The following SPOCK1 variants were observed in gnomAD, a reference collection of about 807,000 sequenced individuals.
SPOCK1 encodes the protein SPARC (osteonectin), cwcv and kazal like domains proteoglycan 1.
SPOCK1 carries 23 observed loss-of-function variants against 55.3 expected under a neutral mutation model. The observed-to-expected ratio is 0.42, with a 90% CI of 0.30 to 0.59. The LOEUF (loss-of-function observed/expected upper bound fraction) is 0.59, where lower values mean the gene tolerates loss of function less well. Ranked by LOEUF, SPOCK1 falls within the 20% of genes least tolerant of loss-of-function variation. The pLI is 0.22. For synonymous variants in SPOCK1, 226 were observed against 221.0 expected, an observed-to-expected ratio of 1.02 and a Z score of -0.20; for missense variants, 499 against 552.5, an observed-to-expected ratio of 0.90 and a Z score of 0.97.
At chr5:137,334,489 G>C (rs553738375) in intron 2 of SPOCK1, among the ~76,000 whole-genome samples, 13 of 152,190 alleles carry the variant, frequency 8.5e-5, no homozygotes, top group Non-Finnish European at 1.5e-4. Flanking sequence ...AATTCCAGGA[G>C]TGTGGGAGGG....
intron 2 of SPOCK1, among the ~76,000 whole-genome samples, chr5:137,298,540 A>T (rs1757530499): frequency 1.3e-5 from 2 of 152,192 alleles, no homozygotes; most frequent in African/African-American, 4.8e-5. Context: ...GATCTTCTGT[A>T]TTCTTACTAA....
At chr5:137,356,858 G>GAA (rs1580883367) in intron 2 of SPOCK1, among the ~76,000 whole-genome samples, 1 of 114,120 alleles carries the variant, frequency 8.8e-6, no homozygotes, top group Admixed American at 8.7e-5. Context: ...GAGAGAGAGA[G>GAA]AGAGAGAGAG....
At chr5:137,093,352 A>G (rs1328726178) in intron 5 of SPOCK1, among the ~76,000 whole-genome samples, 3 of 152,170 alleles carry the variant, frequency 2.0e-5, no homozygotes, top group East Asian at 1.9e-4. Context: ...AATAAATCCA[A>G]TGGTCCATCC....
Position 137,332,923 on chromosome 5 carries a change from G to A in SPOCK1, c.187-65868C>T, listed in dbSNP as rs74922533. ...AATGAGGGAGAGTCCAAGAGGGAGA[G>A]ATGAGGTTACCCAGGGAAAATGGAC... On this transcript the variant is annotated intron_variant, in intron 2 of 10. Coordinates refer to ENST00000394945, the MANE Select transcript of SPOCK1 (RefSeq NM_004598.4). Among the ~76,000 whole-genome samples the A allele has an allele frequency of 7.5e-3, 1,147 of 152,322 alleles. 8 individuals are homozygous for A. Among genetic ancestry groups the A allele is most frequent in the Non-Finnish European group, 0.014 (922 of 68,040 alleles).
intron 2 of SPOCK1, among the ~76,000 whole-genome samples, chr5:137,458,383 A>T (rs1753411763): frequency 1.3e-5 from 2 of 152,200 alleles, no homozygotes; most frequent in African/African-American, 4.8e-5. Context: ...TCTACAATAA[A>T]CATATGTTAC....
chr5:137,467,368 C>T (rs1014918236), intron 2 of SPOCK1, among the ~76,000 whole-genome samples: 12 of 152,184 alleles, frequency 7.9e-5, no homozygotes, highest in African/African-American at 2.9e-4. Context: ...TCTGAAAAGC[C>T]AAAGTCTTCA....
intron 3 of SPOCK1, among the ~76,000 whole-genome samples, chr5:137,221,085 A>C (rs1755839210): frequency 6.6e-6 from 1 of 152,322 alleles, no homozygotes; most frequent in East Asian, 1.9e-4. Flanking sequence ...TAAAAACCCA[A>C]ATATCTATGT....
chr5:137,014,328 T>G (rs887816194), intron 6 of SPOCK1, among the ~76,000 whole-genome samples: 1 of 152,170 alleles, frequency 6.6e-6, no homozygotes, highest in African/African-American at 2.4e-5. Flanking sequence ...CAACTCAACC[T>G]CTTTCCTTAT....
chr5:137,055,920 C>CA (rs1274113294), intron 6 of SPOCK1, among the ~76,000 whole-genome samples: 1 of 152,164 alleles, frequency 6.6e-6, no homozygotes, highest in African/African-American at 2.4e-5. Flanking sequence ...AGTACATAGA[C>CA]AAGTACCTTC....
At chr5:137,128,468 G>A (rs1753817538) in intron 4 of SPOCK1, among the ~76,000 whole-genome samples, 2 of 152,328 alleles carry the variant, frequency 1.3e-5, no homozygotes, top group South Asian at 2.1e-4. Context: ...TCAGATGAAA[G>A]ACTAAATTTA....
chr5:137,327,204 G>A (rs950574456), intron 2 of SPOCK1, among the ~76,000 whole-genome samples: 6 of 152,044 alleles, frequency 3.9e-5, no homozygotes, highest in African/African-American at 1.5e-4. Context: ...TGCTGCACAG[G>A]GTAGCTTTGA....
intron 2 of SPOCK1, among the ~76,000 whole-genome samples, chr5:137,270,506 C>T (rs1344434366): frequency 1.3e-5 from 2 of 152,216 alleles, no homozygotes; most frequent in Non-Finnish European, 2.9e-5. Flanking sequence ...AGAGAACGGT[C>T]TTGCTGTAAA....
At chr5:137,499,147 A>C (rs1432619853) in intron 1 of SPOCK1, 32 bp downstream of exon 1, 1 of 151,678 alleles carries the variant, frequency 6.6e-6, no homozygotes. Flanking sequence ...AACTACTCCA[A>C]GTTGGGGCGC....
intron 3 of SPOCK1, among the ~76,000 whole-genome samples, chr5:137,234,672 C>T (rs184183470): frequency 1.5e-3 from 233 of 152,186 alleles, no homozygotes; most frequent in African/African-American, 5.4e-3. Context: ...GGAAACAGAC[C>T]TTAATTCCTC....
chr5:137,018,584 G>A (rs1424025847), intron 6 of SPOCK1, among the ~76,000 whole-genome samples: 1 of 152,076 alleles, frequency 6.6e-6, no homozygotes, highest in African/African-American at 2.4e-5. Flanking sequence ...AATGACTGAT[G>A]AGGCAAATCA....
chr5:137,194,579 G>A (rs961681065), intron 3 of SPOCK1, among the ~76,000 whole-genome samples: 8 of 152,198 alleles, frequency 5.3e-5, no homozygotes, highest in South Asian at 4.2e-4. Context: ...ATAGAAGGAC[G>A]ACATGGAAAG....
intron 5 of SPOCK1, among the ~76,000 whole-genome samples, chr5:137,104,362 C>T (rs1354233739): frequency 6.6e-6 from 1 of 152,144 alleles, no homozygotes; most frequent in Admixed American, 6.6e-5. Flanking sequence ...GCTTGTACAG[C>T]CTACAGAACC....
chr5:137,334,414 GAAAGT>G (rs1750196103), intron 2 of SPOCK1, among the ~76,000 whole-genome samples: 1 of 152,172 alleles, frequency 6.6e-6, no homozygotes, highest in Non-Finnish European at 1.5e-5. Context: ...CTCCGTGCAA[GAAAGT>G]AAATGGTTTG....
intron 4 of SPOCK1, among the ~76,000 whole-genome samples, chr5:137,137,847 C>G (rs915065922): frequency 6.6e-6 from 1 of 152,056 alleles, no homozygotes; most frequent in African/African-American, 2.4e-5. Context: ...GCTGACCTTC[C>G]GAAATGAAGT....
Sources: gnomAD v4.1 joint callset for allele counts (sites outside exome capture counted in the v4.1 genomes callset) on GRCh38, gnomAD v4.1.1 for gene constraint, MANE v1.5 for transcripts, NCBI Gene and HGNC (gene_info 2026-07-23, HGNC 2026-07-21) for gene names.